Variants in PLEKHG6 observed in about 807,000 individuals in gnomAD.
PLEKHG6 encodes the protein pleckstrin homology and RhoGEF domain containing G6.
In PLEKHG6, 91 loss-of-function variants were observed where a neutral mutation model predicts 97.5. The observed-to-expected ratio is 0.93, with a 90% confidence interval of 0.79 to 1.11. The LOEUF is 1.11. Among genes scored for constraint, PLEKHG6 ranks in the 50% most tolerant of loss-of-function variants. The pLI is 0.00. For synonymous variants in PLEKHG6, 466 were observed against 425.5 expected (o/e 1.10, Z -1.17); for missense variants, 1,044 against 1,031.0 (o/e 1.01, Z -0.17).
chr12:6,323,461 C>G (rs1233155092), intron 13 of PLEKHG6, among the ~76,000 whole-genome samples: 2 of 152,196 alleles, frequency 1.3e-5, no homozygotes, highest in Non-Finnish European at 2.9e-5. Context: ...CTGGCAGAAA[C>G]GTTGACTTGC....
In PLEKHG6 at chr12:6,319,098, A is replaced by G. The variant is rs374234040; in HGVS notation, c.1514A>G (p.Gln505Arg). 5.5e-5 allele frequency: 89 copies of G among 1,605,220 alleles called. No individual in the cohort carries two copies. The highest frequency in any genetic ancestry group is 7.2e-5 in the Non-Finnish European group (85 of 1,173,372). ...CGTGCCCAGTGGCTGGAGAAGACCCAGCAGGCCCAGGTATGGGAAAGCCAG... is the reference window on the plus strand; with the variant it reads ...CGTGCCCAGTGGCTGGAGAAGACCCGGCAGGCCCAGGTATGGGAAAGCCAG... ...TDRAQWLEKTQQAQAALQKLK... is the reference protein window; with the variant it reads ...TDRAQWLEKTRQAQAALQKLK... The change falls in exon 13 of 16, where the codon CAG becomes CGG. Residue 505 changes from glutamine (Q) to arginine (R), a missense_variant. Transcript: ENST00000684764.
intron 13 of PLEKHG6, among the ~76,000 whole-genome samples, chr12:6,323,068 C>A (rs942625094): frequency 5.4e-5 from 6 of 110,878 alleles, no homozygotes; most frequent in East Asian, 2.1e-4. Context: ...ACCTTCAGAA[C>A]TTTCTCCTCT....
chr12:6,313,089 A>C, intron 2 of PLEKHG6: 1 of 1,532,130 alleles, frequency 6.5e-7, no homozygotes, highest in Non-Finnish European at 8.8e-7. Context: ...CCCTGGGAGG[A>C]GCTGTGTGGC....
In PLEKHG6 at chr12:6,326,562, C is replaced by T. The variant is rs531940329; in HGVS notation, c.1659C>T (p.Ser553=). ...CTTCCCTGGAGGGCTCTCAGAGCAGCGCAGAGGGGAGGTAAGGCTCACACG... is the reference window on the plus strand; with the variant it reads ...CTTCCCTGGAGGGCTCTCAGAGCAGTGCAGAGGGGAGGTAAGGCTCACACG... ...STPSLEGSQS[S]AEGRTPEFST... The change falls in exon 14 of 16, where the codon AGC becomes AGT. Residue 553 remains serine (S), a synonymous_variant. Coordinates refer to ENST00000684764, the MANE Select transcript of PLEKHG6 (RefSeq NM_001384598.1). 24 of 1,528,562 alleles carry T rather than the reference C, an allele frequency of 1.6e-5. No individual in the cohort carries two copies. Among genetic ancestry groups the T allele is most frequent in the African/African-American group, 5.7e-5 (4 of 69,826 alleles). 94.7% of individuals were successfully genotyped at this position (1,528,562 alleles called of 1,614,324 possible). A position where few individuals can be genotyped will look rare whatever the true frequency, so the allele number is the denominator to read the frequency against.
At chr12:6,314,513 G>GAA (rs768263395) in intron 3 of PLEKHG6, among the ~76,000 whole-genome samples, 1 of 145,716 alleles carries the variant, frequency 6.9e-6, no homozygotes, top group African/African-American at 2.5e-5. Flanking sequence ...GTCTCAAAAG[G>GAA]AAAAAAAAAA....
rs750761322 is a variant in PLEKHG6, at chr12:6,314,976, A to C, written c.295-29A>C. ...GTGGCTGGGTGCCAAGGATGTGACC[A>C]GAGCTGATGCCCTTCTCGGCTCCCC... On this transcript the variant is annotated intron_variant, in intron 3 of 15. Transcript: ENST00000684764. The C allele has an allele frequency of 2.9e-5, 46 of 1,607,340 alleles. 2 individuals are homozygous for C. In the South Asian group the frequency reaches 4.9e-4, roughly 17 times the overall value.
At position 6,317,386 on chromosome 12, in the gene PLEKHG6, T is replaced by G; in HGVS notation, c.840T>G (p.Thr280=). 6.2e-7 allele frequency: 1 copy of G among 1,613,946 alleles called. No individual in the cohort carries two copies. The change falls in exon 8 of 16, where the codon ACT becomes ACG. Residue 280 remains threonine, a synonymous_variant. Coordinates refer to ENST00000684764, the MANE Select transcript of PLEKHG6 (RefSeq NM_001384598.1). ...CTTACGCCCGAGAACAGCAAGAAAC[T>G]AACCCTCTCTTCCATGCCTTCGTGC... is the stretch of plus-strand genomic sequence containing the variant. The part of the protein sequence containing the change: ...TMAYAREQQE[T]NPLFHAFVQW...
At chr12:6,313,098 G>T (rs764001698) in intron 2 of PLEKHG6, 1 of 1,535,106 alleles carries the variant, frequency 6.5e-7, no homozygotes, top group Non-Finnish European at 8.8e-7. Flanking sequence ...GAGCTGTGTG[G>T]CTGTGGCTTC....
At chr12:6,319,732 C>G in intron 13 of PLEKHG6, 5 of 1,489,366 alleles carry the variant, frequency 3.4e-6, no homozygotes, top group Non-Finnish European at 4.5e-6. Flanking sequence ...CAGACATTTA[C>G]AGGGCACTTG....
chr12:6,315,123 G>C lies in PLEKHG6; in HGVS notation c.413G>C (p.Gly138Ala), dbSNP rs201845470. The C allele has an allele frequency of 8.6e-5, 139 of 1,612,338 alleles. 3 individuals carry two copies. Among genetic ancestry groups the C allele is most frequent in the African/African-American group, 1.5e-4 (11 of 74,930 alleles). Residue 138 changes from glycine (G) to alanine (A), a missense_variant, in exon 4 of 16, where the codon GGC (glycine) becomes GCC (alanine). Gly to Ala is a moderately conservative substitution (Grantham distance 60). Coordinates refer to ENST00000684764, the MANE Select transcript of PLEKHG6 (RefSeq NM_001384598.1). The surrounding 1 kb of genome is among the most constrained non-coding windows in gnomAD (Gnocchi z 4.5). ...GAGATAGGAGAGGGTGGCGACAGTG[G>C]CCTGACCATCGAGAAGTCCTGGAGG... ...HWEIGEGGDS[G>A]LTIEKSWREL...
rs1222626805 is a variant in PLEKHG6, at chr12:6,316,801, C to T, written c.756+397C>T. Among the ~76,000 whole-genome samples, 2 of 152,112 alleles carry T rather than the reference C, an allele frequency of 1.3e-5. No homozygotes were observed. Among genetic ancestry groups the T allele is most frequent in the African/African-American group, 2.4e-5 (1 of 41,404 alleles). On this transcript the variant is annotated intron_variant, in intron 7 of 15. Coordinates refer to ENST00000684764, the MANE Select transcript of PLEKHG6 (RefSeq NM_001384598.1). This position sits in a 1 kb window ranked among gnomAD's most constrained non-coding sequence, Gnocchi z 4.1. The stretch of plus-strand genomic sequence containing the variant: ...AGAGAAAGCAAGAGGGCCTAGGATC[C>T]GACTTTCTTCTACAATGTTACCTAG...
At chr12:6,311,502 G>A (rs1483764332) in intron 1 of PLEKHG6, among the ~76,000 whole-genome samples, 1 of 152,142 alleles carries the variant, frequency 6.6e-6, no homozygotes, top group African/African-American at 2.4e-5. Flanking sequence ...GTCCCAACTA[G>A]CAAGAAGCAG....
upstream of PLEKHG6, chr12:6,310,387 G>A: frequency 6.6e-6 from 1 of 152,532 alleles, no homozygotes; most frequent in Non-Finnish European, 1.5e-5. Context: ...TGTCACCCTC[G>A]CCGCCTCCCC....
chr12:6,315,740 G>A lies in PLEKHG6; in HGVS notation c.555+91G>A. The A allele has an allele frequency of 8.3e-7, 1 of 1,211,586 alleles. No individual in the cohort carries two copies. The highest frequency in any genetic ancestry group is 1.2e-6 in the Non-Finnish European group (1 of 855,564). 75.1% of individuals were successfully genotyped at this position (1,211,586 alleles called of 1,614,324 possible). A position where few individuals can be genotyped will look rare whatever the true frequency, so the allele number is the denominator to read the frequency against. On this transcript the variant is annotated intron_variant, in intron 5 of 15. Transcript: ENST00000684764. This position sits in a 1 kb window ranked among gnomAD's most constrained non-coding sequence, Gnocchi z 4.5. ...GGAAGGCAGGTCACTGGGGGAGGGAGGGGCAGGATTTCAGGCCAGTCTGGG... is the reference window on the plus strand; with the variant it reads ...GGAAGGCAGGTCACTGGGGGAGGGAAGGGCAGGATTTCAGGCCAGTCTGGG...
rs1406405680 is a variant in PLEKHG6 at position 6,328,180 on chromosome 12, AGAG to A, written c.*39_*41del. The A allele has an allele frequency of 9.3e-6, 15 of 1,606,172 alleles. No individual in the cohort carries two copies. Among genetic ancestry groups the A allele is most frequent in the African/African-American group, 5.4e-5 (4 of 74,736 alleles). On this transcript the variant is annotated 3_prime_UTR_variant, in exon 16 of 16. Transcript: ENST00000684764. Reference sequence around the variant, plus strand: ...AGGACCTTTGGCATGCATCTCTCCCAGAGGAGATCTCTCCCCAGTAGTGCTGGT... The same window carrying A: ...AGGACCTTTGGCATGCATCTCTCCCAGAGATCTCTCCCCAGTAGTGCTGGT...
intron 2 of PLEKHG6, chr12:6,313,153 CAGGCTGCACGCCCCTGGGGAGA>C: frequency 6.5e-7 from 1 of 1,548,774 alleles, no homozygotes. Flanking sequence ...GGATGGGATG[CAGGCTGCACGCCCCTGGGGAGA>C]AGGCTGCACA....
At position 6,312,218 on chromosome 12, in the gene PLEKHG6, A is replaced by T. The variant is rs753987036; in HGVS notation, c.-9A>T. ...TATGGCCCTTTGGAGGTGACCCAGG[A>T]GAGAAGGGATGAAGGCCTTTGGTCC... On this transcript the variant is annotated 5_prime_UTR_variant, in exon 2 of 16. Transcript: ENST00000684764. The T allele has an allele frequency of 4.0e-6, 6 of 1,489,570 alleles. No homozygotes were observed. The highest frequency in any genetic ancestry group is 4.4e-6 in the Non-Finnish European group (5 of 1,125,062). 92.3% of individuals were successfully genotyped at this position (1,489,570 alleles called of 1,614,324 possible). A position where few individuals can be genotyped will look rare whatever the true frequency, so the allele number is the denominator to read the frequency against.
chr12:6,328,049 G>A (rs1387660762), intron 15 of PLEKHG6, 87 bp from the exon 16 acceptor site: 136 of 1,591,144 alleles, frequency 8.5e-5, no homozygotes, highest in South Asian at 1.1e-5. Context: ...CAGGGGCTGA[G>A]GCAGGAAGGG....
At position 6,327,295 on chromosome 12, in the gene PLEKHG6, C is replaced by T; in HGVS notation, c.1712C>T (p.Thr571Ile). 1 of 1,611,680 alleles carries T rather than the reference C, an allele frequency of 6.2e-7. No individual in the cohort carries two copies. The highest frequency in any genetic ancestry group is 8.5e-7 in the Non-Finnish European group (1 of 1,178,594). The change falls in exon 15 of 16, where the codon ACA becomes ATA. Residue 571 changes from threonine (T) to isoleucine (I), a missense_variant. Physicochemically the swap from Thr to Ile is moderately conservative, Grantham distance 89. Coordinates refer to ENST00000684764, the MANE Select transcript of PLEKHG6 (RefSeq NM_001384598.1). ...FSTIIPHLVV[T>I]EDTDEDAPLV... ...ACCATTATCCCCCACCTGGTGGTGA[C>T]AGAAGACACAGATGAAGATGCTCCC...
Sources: allele counts gnomAD v4.1 joint callset (sites outside exome capture counted in the v4.1 genomes callset), GRCh38; gene constraint gnomAD v4.1.1; non-coding constraint Gnocchi (gnomAD v3.1); transcripts MANE v1.5; gene names NCBI Gene and HGNC (gene_info 2026-07-23, HGNC 2026-07-21).